Variants in RIC8B observed in about 807,000 individuals in gnomAD.
RIC8B encodes chaperone Ric-8B.
A neutral mutation model predicts 57.5 loss-of-function variants in RIC8B; 16 were observed. That is an observed-to-expected ratio of 0.28 (90% CI 0.19 to 0.42). The LOEUF (loss-of-function observed/expected upper bound fraction) is 0.42. Among genes scored for constraint, RIC8B ranks in the 10% least tolerant of loss-of-function variants. The pLI is 1.00. For missense variants in RIC8B, 481 were observed against 677.0 expected (o/e 0.71, Z 3.21); for synonymous variants, 216 against 250.8 (o/e 0.86, Z 1.31).
chr12:106,843,248 C>G (rs772790545), intron 5 of RIC8B, among the ~76,000 whole-genome samples: 2 of 152,136 alleles, frequency 1.3e-5, no homozygotes, highest in Non-Finnish European at 2.9e-5. Context: ...TATACATTCT[C>G]TGGTCTATCA....
intron 4 of RIC8B, 59 bp downstream of exon 4, chr12:106,825,879 A>G (rs1444840563): frequency 1.8e-6 from 2 of 1,127,598 alleles, no homozygotes; most frequent in Admixed American, 1.7e-5. Context: ...TCTTGGTTTT[A>G]TGCATCTAAT....
At chr12:106,851,391 C>G in intron 6 of RIC8B, 59 bp from the exon 7 acceptor site, 13 of 1,374,452 alleles carry the variant, frequency 9.5e-6, no homozygotes, top group Non-Finnish European at 1.3e-5. Flanking sequence ...TTGCATTGTA[C>G]CATCCTCACT....
rs1951232213 is a variant in RIC8B, at chr12:106,887,567, A to T, written c.*1552A>T. 1 of 152,210 alleles carries T rather than the reference A, an allele frequency of 6.6e-6. No individual in the cohort carries two copies. Among genetic ancestry groups the T allele is most frequent in the African/African-American group, 2.4e-5 (1 of 41,442 alleles). The allele number at this position is 152,210 out of a possible 1,614,324, so 9.4% of individuals were successfully genotyped here. ...ACTTATGGGAGAGATCTTCAAGAATATCACTCTTAGACTCTGAACTGAAAT... is the reference window on the plus strand; with the variant it reads ...ACTTATGGGAGAGATCTTCAAGAATTTCACTCTTAGACTCTGAACTGAAAT... On this transcript the variant is annotated 3_prime_UTR_variant, in exon 10 of 10. Transcript: ENST00000392837.
chr12:106,809,640 G>C (rs1051739131), intron 2 of RIC8B, among the ~76,000 whole-genome samples: 2 of 151,260 alleles, frequency 1.3e-5, no homozygotes, highest in African/African-American at 4.9e-5. Flanking sequence ...AAATATTACA[G>C]GTTACACATC....
chr12:106,780,687 C>T (rs1266877276), intron 1 of RIC8B, among the ~76,000 whole-genome samples: 3 of 152,162 alleles, frequency 2.0e-5, no homozygotes, highest in Admixed American at 1.3e-4. Context: ...GTTGTAGAAG[C>T]AATCTGTGTT....
rs536736951 is a variant in RIC8B at position 106,887,357 on chromosome 12, A to C, written c.*1342A>C. The C allele has an allele frequency of 8.5e-5, 13 of 152,562 alleles. No individual in the cohort carries two copies. The highest frequency in any genetic ancestry group is 1.8e-4 in the Non-Finnish European group (12 of 68,028). 9.5% of individuals were successfully genotyped at this position (152,562 alleles called of 1,614,324 possible). On this transcript the variant is annotated 3_prime_UTR_variant, in exon 10 of 10. Coordinates refer to ENST00000392837, the MANE Select transcript of RIC8B (RefSeq NM_001330145.2). ...ACTATTTCACAGTTTATGCTTTTTT[A>C]AAGTGCTTTTACATCCATGGTCCCA...
intron 9 of RIC8B, among the ~76,000 whole-genome samples, chr12:106,883,953 G>T (rs553800851): frequency 6.6e-6 from 1 of 152,004 alleles, no homozygotes; most frequent in Non-Finnish European, 1.5e-5. Flanking sequence ...GCCCTTTCCC[G>T]GCTTCATGAG....
At chr12:106,849,810 T>C (rs1490800594) in intron 6 of RIC8B, among the ~76,000 whole-genome samples, 1 of 152,118 alleles carries the variant, frequency 6.6e-6, no homozygotes, top group African/African-American at 2.4e-5. Flanking sequence ...TGAAAGTGAG[T>C]CCATTTTAAT....
chr12:106,782,985 C>G (rs2136160660), intron 1 of RIC8B, among the ~76,000 whole-genome samples: 1 of 152,322 alleles, frequency 6.6e-6, no homozygotes, highest in Middle Eastern at 3.4e-3. Flanking sequence ...AATAAAACTT[C>G]AGAGGAGAAT....
chr12:106,823,725 C>T (rs923881663), intron 3 of RIC8B, among the ~76,000 whole-genome samples: 1 of 149,860 alleles, frequency 6.7e-6, no homozygotes, highest in African/African-American at 2.5e-5. Context: ...GCTCTTGTAG[C>T]CCAGGCTGGA....
chr12:106,849,987 G>A (rs1425832395), intron 6 of RIC8B, among the ~76,000 whole-genome samples: 3 of 152,238 alleles, frequency 2.0e-5, no homozygotes, highest in Non-Finnish European at 4.4e-5. Flanking sequence ...TGGCCTTTAG[G>A]AACTGGGCTG....
At chr12:106,819,630 T>C (rs970193829) in intron 3 of RIC8B, among the ~76,000 whole-genome samples, 1 of 151,082 alleles carries the variant, frequency 6.6e-6, no homozygotes, top group Non-Finnish European at 1.5e-5. Flanking sequence ...TATTGTGGCA[T>C]GTGCCTGTAG....
Position 106,790,236 on chromosome 12 carries a change from T to A in RIC8B, c.132+6192T>A, listed in dbSNP as rs2044210682. ...CTCACTGCTCAATAGCTCCCTCTTA[T>A]TACCATTGAGGTATATTTCAGAAGG... On this transcript the variant is annotated intron_variant, in intron 2 of 9. Transcript: ENST00000392837. Among the ~76,000 whole-genome samples, 3 of 152,200 alleles carry A rather than the reference T, an allele frequency of 2.0e-5. No individual in the cohort carries two copies. The South Asian group carries it at 6.2e-4, about 32-fold the overall frequency.
At chr12:106,823,380 T>C (rs1566089249) in intron 3 of RIC8B, 3 of 452,580 alleles carry the variant, frequency 6.6e-6, no homozygotes, top group Admixed American at 4.7e-5. Context: ...TTAGTGGATT[T>C]AGAGTAAAAG....
In RIC8B at chr12:106,775,887, G is replaced by A. The variant is rs781251815; in HGVS notation, c.84+1058G>A. Among the ~76,000 whole-genome samples the A allele has an allele frequency of 3.9e-5, 6 of 152,190 alleles. No homozygotes were observed. The East Asian group carries it at 5.8e-4, about 15-fold the overall frequency. ...TTTCTTTCTTTTGCCCCCGTACATC[G>A]TCTCCCCTTCAGTGTTTGCTTTGTG... On this transcript the variant is annotated intron_variant, in intron 1 of 9. Transcript: ENST00000392837.
intron 2 of RIC8B, among the ~76,000 whole-genome samples, chr12:106,803,167 G>A (rs564021495): frequency 8.8e-5 from 12 of 136,276 alleles, no homozygotes; most frequent in South Asian, 2.4e-4. Flanking sequence ...AGCTGTGATC[G>A]TGCCATTGCT....
Position 106,842,649 on chromosome 12 carries a change from G to C in RIC8B, c.897G>C (p.Pro299=). 4.4e-6 allele frequency: 7 copies of C among 1,606,936 alleles called. No individual in the cohort carries two copies. The highest frequency in any genetic ancestry group is 6.0e-6 in the Non-Finnish European group (7 of 1,176,160). Residue 299 remains proline, a synonymous_variant, in exon 5 of 10, where the codon CCG becomes CCC. Transcript: ENST00000392837. ...PVSCLDVLIC[P]LTHEETAQEA... is the part of the protein sequence containing the mutation. ...CTTGTTTGGATGTTCTCATTTGTCC[G>C]TTAACCCATGAAGAAACAGCCCAAG...
chr12:106,885,570 A>G (rs1951142819), intron 9 of RIC8B, among the ~76,000 whole-genome samples: 1 of 129,940 alleles, frequency 7.7e-6, no homozygotes, highest in Non-Finnish European at 1.6e-5. Context: ...AACAAAACCA[A>G]TCCACCAAAA....
intron 1 of RIC8B, among the ~76,000 whole-genome samples, chr12:106,783,637 C>G (rs185204183): frequency 4.6e-5 from 7 of 152,328 alleles, no homozygotes; most frequent in African/African-American, 1.7e-4. Context: ...CATATAGTTT[C>G]ACACATTCGA....
Sources: gnomAD v4.1 joint callset for allele counts (sites outside exome capture counted in the v4.1 genomes callset) on GRCh38, gnomAD v4.1.1 for gene constraint, MANE v1.5 for transcripts, NCBI Gene and HGNC (gene_info 2026-07-23, HGNC 2026-07-21) for gene names.